The following GALNT13 variants were observed in gnomAD, a reference collection of about 807,000 sequenced individuals.
The protein encoded by GALNT13 is UDP-GalNAc:polypeptide N-acetylgalactosaminyltransferase 13.
GALNT13 carries 28 observed loss-of-function variants against 64.2 expected under a neutral mutation model. The ratio of observed to expected loss-of-function variants is 0.44; its 90% CI spans 0.32 to 0.60. The LOEUF (loss-of-function observed/expected upper bound fraction) is 0.60. Among genes scored for constraint, GALNT13 ranks in the 20% least tolerant of loss-of-function variants. The probability of loss-of-function intolerance (pLI) is 0.05; values close to 1 mark genes in which losing one functional copy is unlikely to be tolerated. For synonymous variants in GALNT13, 214 were observed against 224.6 expected, an observed-to-expected ratio of 0.95 and a Z score of 0.42; for missense variants, 577 against 669.8, an observed-to-expected ratio of 0.86 and a Z score of 1.53.
At chr2:153,756,354 T>C in the GALNT13 span, among the ~76,000 whole-genome samples, 1 of 152,128 alleles carries the variant, frequency 6.6e-6, no homozygotes, top group Non-Finnish European at 1.5e-5. Context: ...AATATGGGAA[T>C]ATAAGTGCTT....
At chr2:153,506,327 AG>A in the GALNT13 span, among the ~76,000 whole-genome samples, 1 of 152,210 alleles carries the variant, frequency 6.6e-6, no homozygotes, top group Non-Finnish European at 1.5e-5. Flanking sequence ...TGGAGCACTT[AG>A]GCCATTTACA....
At chr2:154,227,266 T>C (rs1688668726) in intron 4 of GALNT13, among the ~76,000 whole-genome samples, 1 of 152,070 alleles carries the variant, frequency 6.6e-6, no homozygotes, top group Non-Finnish European at 1.5e-5. Context: ...ATACAAAGGC[T>C]TCATTTGCTT....
At chr2:153,853,732 T>A in the GALNT13 span, among the ~76,000 whole-genome samples, 1 of 150,020 alleles carries the variant, frequency 6.7e-6, no homozygotes. Context: ...ACAATTGTAT[T>A]ATACAATTGT....
intron 3 of GALNT13, among the ~76,000 whole-genome samples, chr2:153,966,180 C>T (rs1376759726): frequency 6.8e-6 from 1 of 147,458 alleles, no homozygotes; most frequent in Non-Finnish European, 1.5e-5. Context: ...TTTCTCCTAA[C>T]TGTTCTGGAA....
chr2:153,628,660 G>A, the GALNT13 span, among the ~76,000 whole-genome samples: 36 of 152,216 alleles, frequency 2.4e-4, no homozygotes, highest in East Asian at 9.7e-4. Flanking sequence ...ATTGATTTGC[G>A]TATATTGAAC....
chr2:154,186,889 A>G (rs917993402), intron 4 of GALNT13, among the ~76,000 whole-genome samples: 3 of 152,106 alleles, frequency 2.0e-5, no homozygotes, highest in African/African-American at 7.2e-5. Context: ...CTTCAAGTTT[A>G]TATATGGTAA....
At chr2:154,008,401 C>T (rs1276587079) in intron 3 of GALNT13, among the ~76,000 whole-genome samples, 1 of 152,082 alleles carries the variant, frequency 6.6e-6, no homozygotes, top group Non-Finnish European at 1.5e-5. Context: ...CAATTTCTCT[C>T]TGGGGTTACT....
the GALNT13 span, among the ~76,000 whole-genome samples, chr2:153,091,975 A>G: frequency 1.3e-5 from 2 of 152,158 alleles, no homozygotes; most frequent in East Asian, 3.9e-4. Flanking sequence ...TATAGTTAGC[A>G]GTCTTAGATT....
At chr2:153,190,761 TGTTTTATAG>T in the GALNT13 span, among the ~76,000 whole-genome samples, 10 of 152,166 alleles carry the variant, frequency 6.6e-5, no homozygotes, top group African/African-American at 2.4e-4. Flanking sequence ...CTTTCATTAG[TGTTTTATAG>T]GTTTTGTAGA....
At chr2:153,831,693 C>T in the GALNT13 span, among the ~76,000 whole-genome samples, 1 of 152,094 alleles carries the variant, frequency 6.6e-6, no homozygotes, top group African/African-American at 2.4e-5. Flanking sequence ...TAACTGCGTC[C>T]GTTGGTGCTA....
chr2:154,153,338 A>C (rs184267051), intron 4 of GALNT13, among the ~76,000 whole-genome samples: 1 of 152,012 alleles, frequency 6.6e-6, no homozygotes, highest in Non-Finnish European at 1.5e-5. Context: ...GTCTGCCCCT[A>C]CTGGGGGGTG....
At chr2:153,199,802 G>T in the GALNT13 span, among the ~76,000 whole-genome samples, 126,310 of 152,218 alleles carry the variant, frequency 0.83, 53,600 homozygotes, top group African/African-American at 0.91. Context: ...TCATTTATAG[G>T]CATATCAAAA....
chr2:153,988,766 G>A (rs901451307), intron 3 of GALNT13, among the ~76,000 whole-genome samples: 5 of 151,882 alleles, frequency 3.3e-5, no homozygotes, highest in Admixed American at 6.6e-5. Context: ...ATCTAAATAC[G>A]TAATAAAAGT....
chr2:153,689,460 A>G, the GALNT13 span, among the ~76,000 whole-genome samples: 1 of 152,028 alleles, frequency 6.6e-6, no homozygotes, highest in Non-Finnish European at 1.5e-5. Context: ...AGCATTTCCC[A>G]TTCTGTGGTT....
chr2:154,233,054 A>G lies in GALNT13; in HGVS notation c.312-8976A>G, dbSNP rs541837216. Among the ~76,000 whole-genome samples, 995 of 151,140 alleles carry G rather than the reference A, an allele frequency of 6.6e-3. 13 individuals carry two copies. Among genetic ancestry groups the G allele is most frequent in the Non-Finnish European group, 8.5e-3 (573 of 67,762 alleles). The stretch of plus-strand genomic sequence containing the variant: ...CCCTGTCTCAAAAAAAAAAAAAAAA[A>G]AAAGAAAAAGAAAAGAAAAAAAGTA... On this transcript the variant is annotated intron_variant, in intron 4 of 12. Coordinates refer to ENST00000392825, the MANE Select transcript of GALNT13 (RefSeq NM_052917.4).
chr2:153,640,207 T>C, the GALNT13 span, among the ~76,000 whole-genome samples: 2 of 152,218 alleles, frequency 1.3e-5, no homozygotes, highest in African/African-American at 4.8e-5. Context: ...TAGTTTTTAC[T>C]GAAGCTCAAA....
At chr2:154,325,697 A>G (rs1694841480) in intron 9 of GALNT13, among the ~76,000 whole-genome samples, 1 of 152,136 alleles carries the variant, frequency 6.6e-6, no homozygotes, top group Admixed American at 6.6e-5. Context: ...TGTCACAAAC[A>G]AGAGTAATTG....
intron 10 of GALNT13, among the ~76,000 whole-genome samples, chr2:154,407,965 A>G (rs1035584): frequency 0.45 from 67,829 of 151,832 alleles, 16,072 homozygotes; most frequent in East Asian, 0.63. Flanking sequence ...CTTATTCATT[A>G]GCCAATGTGA....
At chr2:153,178,837 G>A in the GALNT13 span, among the ~76,000 whole-genome samples, 23 of 138,330 alleles carry the variant, frequency 1.7e-4, no homozygotes, top group Non-Finnish European at 6.2e-5. Context: ...CTGGGTTCAA[G>A]CAATTCTCCT....
Sources: allele counts gnomAD v4.1 joint callset (sites outside exome capture counted in the v4.1 genomes callset), GRCh38; gene constraint gnomAD v4.1.1; transcripts MANE v1.5; gene names NCBI Gene and HGNC (gene_info 2026-07-23, HGNC 2026-07-21).